MYO7A: variants seen among roughly 807,000 people sequenced by gnomAD.
MYO7A encodes the protein myosin VIIA.
MYO7A carries 210 observed loss-of-function variants against 263.8 expected under a neutral mutation model. That is an observed-to-expected ratio of 0.80 (90% CI 0.71 to 0.89). The LOEUF (loss-of-function observed/expected upper bound fraction) is 0.89, where lower values mean the gene tolerates loss of function less well. Among genes scored for constraint, MYO7A ranks in the 40% least tolerant of loss-of-function variants. The pLI is 0.00. For missense variants in MYO7A, 2,820 were observed against 2,968.3 expected, an observed-to-expected ratio of 0.95 and a Z score of 1.16; for synonymous variants, 1,239 against 1,197.3, an observed-to-expected ratio of 1.03 and a Z score of -0.72.
At chr11:77,159,559 G>T (rs1332051527) in intron 10 of MYO7A, 36 bp downstream of exon 10, 1 of 1,599,082 alleles carries the variant, frequency 6.3e-7, no homozygotes, top group Admixed American at 1.7e-5. Flanking sequence ...CATGACTTCT[G>T]TCCCTCTGAA....
intron 31 of MYO7A, among the ~76,000 whole-genome samples, chr11:77,192,929 T>TTGGTGATGGTGGAGGTAGCGATGG (rs1565442187): frequency 2.7e-5 from 2 of 73,528 alleles, no homozygotes; most frequent in African/African-American, 1.3e-4. Context: ...AGTGATGGTG[T>TTGGTGATGGTGGAGGTAGCGATGG]TGTTTGTGAT....
intron 46 of MYO7A, chr11:77,212,606 T>C (rs528465019): frequency 2.1e-4 from 86 of 400,012 alleles, no homozygotes; most frequent in South Asian, 2.1e-3. Context: ...TATGGTCTTA[T>C]CACACAGCTA....
intron 4 of MYO7A, among the ~76,000 whole-genome samples, chr11:77,150,095 G>A (rs1281475952): frequency 6.6e-6 from 1 of 152,242 alleles, no homozygotes; most frequent in Admixed American, 6.5e-5. Flanking sequence ...GGTACTTCCA[G>A]GGCCAGTGTT....
chr11:77,182,990 C>T, intron 25 of MYO7A, 78 bp from the exon 26 acceptor site: 1 of 1,255,378 alleles, frequency 8.0e-7, no homozygotes, highest in Non-Finnish European at 1.1e-6. Context: ...AGACGGTTCC[C>T]CGCAAAGTCT....
At chr11:77,147,719 C>G in intron 3 of MYO7A, 79 bp from the exon 4 acceptor site, 1 of 1,560,714 alleles carries the variant, frequency 6.4e-7, no homozygotes, top group Non-Finnish European at 8.7e-7. Flanking sequence ...ACCCCGCGCT[C>G]CCGCCCGTCC....
chr11:77,204,014 C>T (rs1404588979), intron 38 of MYO7A, 62 bp from the exon 39 acceptor site: 8 of 1,499,350 alleles, frequency 5.3e-6, no homozygotes, highest in Non-Finnish European at 7.2e-6. Context: ...GGAAGTGGGG[C>T]CTCCGGACCC....
chr11:77,148,725 C>T (rs1363805576), intron 4 of MYO7A, among the ~76,000 whole-genome samples: 6 of 152,068 alleles, frequency 3.9e-5, no homozygotes, highest in East Asian at 1.9e-4. Context: ...CATTTAGAAA[C>T]GTATTAATTT....
rs372509310 is a variant in MYO7A, at chr11:77,142,709, G to C, written c.19G>C (p.Gly7Arg). The C allele has an allele frequency of 1.9e-6, 3 of 1,608,714 alleles. No individual in the cohort carries two copies. Among genetic ancestry groups the C allele is most frequent in the Admixed American group, 1.7e-5 (1 of 59,348 alleles). MVILQQGDHVWMDLRLG... is the reference protein window; with the variant it reads MVILQQRDHVWMDLRLG... ...GGCTGAGACTCTCTCTCGCCCATAGGGGGACCATGTGTGGATGGACCTGAG... is the reference window on the plus strand; with the variant it reads ...GGCTGAGACTCTCTCTCGCCCATAGCGGGACCATGTGTGGATGGACCTGAG... The change falls in exon 3 of 49, where the codon GGG becomes CGG. Residue 7 changes from glycine (G) to arginine (R), a missense_variant and splice_region_variant. By Grantham distance (125) the Gly-to-Arg change is moderately radical (BLOSUM62 -2). Coordinates refer to ENST00000409709, the MANE Select transcript of MYO7A (RefSeq NM_000260.4).
chr11:77,211,760 C>A, intron 45 of MYO7A, 61 bp from the exon 46 acceptor site: 1 of 1,365,740 alleles, frequency 7.3e-7, no homozygotes, highest in South Asian at 1.2e-5. Context: ...TCTGAGCTGG[C>A]CTGCCCTGAG....
intron 37 of MYO7A, among the ~76,000 whole-genome samples, 161 bp downstream of exon 37, chr11:77,202,585 G>C (rs111521905): frequency 5.3e-5 from 8 of 152,118 alleles, no homozygotes; most frequent in African/African-American, 1.9e-4. Context: ...AGGATGACCC[G>C]TCCTATGTGT....
At chr11:77,191,482 T>A (rs1956063323) in intron 30 of MYO7A, among the ~76,000 whole-genome samples, 1 of 152,196 alleles carries the variant, frequency 6.6e-6, no homozygotes, top group South Asian at 2.1e-4. Flanking sequence ...GCAGCCCTTG[T>A]GTGCAGATGG....
intron 4 of MYO7A, among the ~76,000 whole-genome samples, chr11:77,152,471 G>T (rs1054629559): frequency 6.6e-6 from 1 of 152,190 alleles, no homozygotes; most frequent in Non-Finnish European, 1.5e-5. Context: ...GCAGGGTGAG[G>T]CACTCAGGGT....
chr11:77,147,696 C>G lies in MYO7A; in HGVS notation c.133-102C>G, dbSNP rs1210478130. ...TGCCAGAGAGGTCGAGGCCCTTACC[C>G]GGGTTGGCACTCACCCCGCGCTCCC... On this transcript the variant is annotated intron_variant, in intron 3 of 48. Coordinates refer to ENST00000409709, the MANE Select transcript of MYO7A (RefSeq NM_000260.4). The G allele has an allele frequency of 1.4e-5, 21 of 1,485,454 alleles. No individual in the cohort carries two copies. The African/African-American group carries it at 2.4e-4, about 17-fold the overall frequency. 92.0% of individuals were successfully genotyped at this position (1,485,454 alleles called of 1,614,324 possible).
chr11:77,212,742 G>A, intron 46 of MYO7A: 3 of 603,342 alleles, frequency 5.0e-6, no homozygotes, highest in Non-Finnish European at 8.9e-6. Context: ...GGACAAAGCA[G>A]AGGATGGCCT....
chr11:77,155,830 G>A (rs1952407785), intron 4 of MYO7A, 77 bp from the exon 5 acceptor site: 4 of 1,446,062 alleles, frequency 2.8e-6, no homozygotes, highest in South Asian at 1.4e-5. Context: ...GCTGGAGCAG[G>A]GCAGAGCCCA....
chr11:77,214,050 T>C, intron 48 of MYO7A, 71 bp downstream of exon 48: 1 of 1,598,962 alleles, frequency 6.3e-7, no homozygotes, highest in Non-Finnish European at 8.5e-7. Flanking sequence ...TCCCAGGGCC[T>C]GGAACAAACA....
In MYO7A at chr11:77,147,951, G is replaced by A. The variant is rs782661097; in HGVS notation, c.285+1G>A. On this transcript the variant is annotated splice_donor_variant, in intron 4 of 48. Transcript: ENST00000409709. LOFTEE classifies it high-confidence loss of function. ...CCGCTACCGGGACCACCTCATCTAC[G>A]TGAGTGCCGCCCCGCCCGGTGCCCG... 6.5e-7 allele frequency: 1 copy of A among 1,542,810 alleles called. No homozygotes were observed. Among genetic ancestry groups the A allele is most frequent in the Non-Finnish European group, 8.7e-7 (1 of 1,143,184 alleles).
rs782481491 is a variant in MYO7A, at chr11:77,172,751, G to A, written c.1801G>A (p.Ala601Thr). Reference protein sequence around the residue: ...QIFQADVAMGAETRKRSPTLS... With the variant: ...QIFQADVAMGTETRKRSPTLS... ...TCGCTGCCGTCCGTCCCCCCAGGGCGCCGAGACCAGGAAGCGCTCGCCCAC... is the reference window on the plus strand; with the variant it reads ...TCGCTGCCGTCCGTCCCCCCAGGGCACCGAGACCAGGAAGCGCTCGCCCAC... The change falls in exon 16 of 49, where the codon GCC becomes ACC. Residue 601 changes from alanine (A) to threonine (T), a missense_variant. Transcript: ENST00000409709. The A allele has an allele frequency of 2.4e-4, 369 of 1,556,130 alleles. No homozygotes were observed. Among genetic ancestry groups the A allele is most frequent in the Non-Finnish European group, 2.8e-4 (326 of 1,150,900 alleles).
intron 11 of MYO7A, 113 bp downstream of exon 11, chr11:77,160,395 C>T (rs1952885593): frequency 1.4e-6 from 2 of 1,414,972 alleles, no homozygotes; most frequent in Admixed American, 2.2e-5. Context: ...GTCGCCACCC[C>T]TGCCTGCCCC....
Sources: allele counts gnomAD v4.1 joint callset (sites outside exome capture counted in the v4.1 genomes callset), GRCh38; gene constraint gnomAD v4.1.1; transcripts MANE v1.5; gene names NCBI Gene and HGNC (gene_info 2026-07-23, HGNC 2026-07-21).